Variants in PRKCE observed in about 807,000 individuals in gnomAD.
PRKCE encodes the protein protein kinase C epsilon type.
PRKCE carries 16 observed loss-of-function variants against 85.4 expected under a neutral mutation model. The ratio of observed to expected loss-of-function variants is 0.19; its 90% confidence interval spans 0.13 to 0.28. The LOEUF (loss-of-function observed/expected upper bound fraction) is 0.28. Ranked by LOEUF, PRKCE falls within the 10% of genes least tolerant of loss-of-function variation. PRKCE has a pLI of 1.00. For synonymous variants in PRKCE, 388 were observed against 371.5 expected (o/e 1.04, Z -0.51); for missense variants, 573 against 975.2 (o/e 0.59, Z 5.49).
At chr2:45,963,693 A>C (rs922205209) in intron 2 of PRKCE, among the ~76,000 whole-genome samples, 11 of 152,178 alleles carry the variant, frequency 7.2e-5, no homozygotes, top group Admixed American at 7.2e-4. Flanking sequence ...TTTTATCTTC[A>C]GATTCCCTGA....
chr2:45,772,883 G>T (rs1160649495), intron 1 of PRKCE, among the ~76,000 whole-genome samples: 2 of 152,094 alleles, frequency 1.3e-5, no homozygotes, highest in Non-Finnish European at 2.9e-5. Context: ...TGCTGTACCC[G>T]TGACACCCTA....
chr2:45,817,066 AGTGTGTGTGTGTGT>A lies in PRKCE; in HGVS notation c.349-25903_349-25890del, dbSNP rs200785601. 2.4e-4 allele frequency among the ~76,000 whole-genome samples: 33 copies of A among 135,880 alleles called. 1 individual carries two copies. Among genetic ancestry groups the A allele is most frequent in the African/African-American group, 7.1e-4 (25 of 35,304 alleles). The allele number at this position is 135,880 out of a possible 152,430, so 89.1% of individuals were successfully genotyped here. On this transcript the variant is annotated intron_variant, in intron 1 of 14. Transcript: ENST00000306156. ...GACTCAAATTATATACTGTAAGTAG[AGTGTGTGTGTGTGT>A]GTGTGTGTGTGTGTGTGTGTGTGTG...
chr2:46,165,120 A>G (rs984529296), intron 14 of PRKCE, among the ~76,000 whole-genome samples: 12 of 152,106 alleles, frequency 7.9e-5, no homozygotes, highest in Admixed American at 3.3e-4. Flanking sequence ...CACTAGTCCA[A>G]CTGGGTTTCC....
chr2:45,929,857 G>C (rs556565043), intron 2 of PRKCE, among the ~76,000 whole-genome samples: 8 of 152,134 alleles, frequency 5.3e-5, no homozygotes, highest in African/African-American at 1.9e-4. Flanking sequence ...TTCATGTTTA[G>C]TGCCTGCATT....
intron 2 of PRKCE, among the ~76,000 whole-genome samples, chr2:45,965,184 C>T (rs546505166): frequency 6.6e-6 from 1 of 152,314 alleles, no homozygotes; most frequent in South Asian, 2.1e-4. Flanking sequence ...TTTCCTCTTT[C>T]CTGTTTTGAA....
intron 13 of PRKCE, among the ~76,000 whole-genome samples, chr2:46,153,784 T>C (rs113944971): frequency 8.3e-6 from 1 of 120,120 alleles, no homozygotes; most frequent in African/African-American, 3.0e-5. Context: ...TCTTCTTCTT[T>C]TTTTTTTTTT....
intron 1 of PRKCE, among the ~76,000 whole-genome samples, chr2:45,663,199 C>T (rs1675757251): frequency 3.3e-5 from 5 of 152,180 alleles, no homozygotes; most frequent in Non-Finnish European, 5.9e-5. Flanking sequence ...CAAAATATTT[C>T]ATCATAGAAT....
chr2:46,103,005 C>T (rs1449120397), intron 11 of PRKCE, among the ~76,000 whole-genome samples: 1 of 152,212 alleles, frequency 6.6e-6, no homozygotes, highest in African/African-American at 2.4e-5. Context: ...AATTATATTT[C>T]ACCTCTGTGA....
chr2:46,035,030 C>A (rs1199691513), intron 10 of PRKCE, among the ~76,000 whole-genome samples: 1 of 152,232 alleles, frequency 6.6e-6, no homozygotes, highest in Non-Finnish European at 1.5e-5. Context: ...TCGAAAGCAG[C>A]CTGTGACCAC....
chr2:45,887,529 TACAGA>T lies in PRKCE; in HGVS notation c.412+44469_412+44473del, dbSNP rs372249656. On this transcript the variant is annotated intron_variant, in intron 2 of 14. Transcript: ENST00000306156. ...AGGAATAAGTACCCCGGAACCACAC[TACAGA>T]ACTAGACCACCAAGAAAGCTGTTGC... is the stretch of plus-strand genomic sequence containing the variant. 3.8e-3 allele frequency among the ~76,000 whole-genome samples: 571 copies of T among 152,050 alleles called. 1 individual carries two copies. Among genetic ancestry groups the T allele is most frequent in the Middle Eastern group, 0.027 (8 of 294 alleles).
At chr2:45,953,545 C>T (rs1386244582) in intron 2 of PRKCE, among the ~76,000 whole-genome samples, 1 of 152,192 alleles carries the variant, frequency 6.6e-6, no homozygotes, top group Non-Finnish European at 1.5e-5. Flanking sequence ...TAAAAAATGA[C>T]ATTGAACCCA....
intron 2 of PRKCE, among the ~76,000 whole-genome samples, chr2:45,888,016 T>C (rs1362797055): frequency 6.6e-6 from 1 of 152,172 alleles, no homozygotes; most frequent in Non-Finnish European, 1.5e-5. Flanking sequence ...TCCACTGTTA[T>C]CTCCCATGAT....
chr2:45,958,909 G>A (rs1298891310), intron 2 of PRKCE, among the ~76,000 whole-genome samples: 1 of 136,448 alleles, frequency 7.3e-6, no homozygotes, highest in African/African-American at 2.8e-5. Context: ...TGCCCCTAAG[G>A]AGCAGGAGGC....
chr2:45,750,242 C>T (rs996576150), intron 1 of PRKCE, among the ~76,000 whole-genome samples: 1 of 152,272 alleles, frequency 6.6e-6, no homozygotes, highest in South Asian at 2.1e-4. Flanking sequence ...ATTTTTATCA[C>T]CCCAAAAGGA....
chr2:46,104,083 A>G (rs1490484344), intron 11 of PRKCE, among the ~76,000 whole-genome samples: 1 of 152,224 alleles, frequency 6.6e-6, no homozygotes, highest in African/African-American at 2.4e-5. Context: ...GAAAGAAGTC[A>G]AAAGCAACCT....
intron 11 of PRKCE, among the ~76,000 whole-genome samples, chr2:46,134,799 A>T (rs1227001359): frequency 6.6e-6 from 1 of 152,260 alleles, no homozygotes; most frequent in African/African-American, 2.4e-5. Flanking sequence ...GGAGAGAGAT[A>T]GGGGAACTAG....
intron 10 of PRKCE, among the ~76,000 whole-genome samples, chr2:46,034,339 G>T (rs1001985498): frequency 2.0e-5 from 3 of 152,138 alleles, no homozygotes; most frequent in African/African-American, 7.2e-5. Context: ...ACAGCACCAG[G>T]CCCATAGCAA....
At chr2:46,039,566 G>A (rs1308085985) in intron 10 of PRKCE, among the ~76,000 whole-genome samples, 5 of 151,744 alleles carry the variant, frequency 3.3e-5, no homozygotes, top group African/African-American at 1.2e-4. Flanking sequence ...GGAGGGGAGA[G>A]GGAAGGGAAG....
chr2:45,915,214 T>C (rs1163442015), intron 2 of PRKCE, among the ~76,000 whole-genome samples: 1 of 152,206 alleles, frequency 6.6e-6, no homozygotes, highest in Non-Finnish European at 1.5e-5. Context: ...AGACTGACAT[T>C]TTTGTTCTTT....
Sources: allele counts gnomAD v4.1 joint callset (sites outside exome capture counted in the v4.1 genomes callset), GRCh38; gene constraint gnomAD v4.1.1; transcripts MANE v1.5; gene names NCBI Gene and HGNC (gene_info 2026-07-23, HGNC 2026-07-21).